The following TEX101 variants were observed in gnomAD, a reference collection of about 807,000 sequenced individuals.
TEX101 encodes testis expressed 101, also known as testis-expressed protein 101.
TEX101 carries 10 observed loss-of-function variants against 18.1 expected under a neutral mutation model. The observed-to-expected ratio is 0.55, with a 90% confidence interval of 0.34 to 0.94. The LOEUF (loss-of-function observed/expected upper bound fraction) is 0.94, where lower values mean the gene tolerates loss of function less well. Ranked by LOEUF, TEX101 falls within the 40% of genes least tolerant of loss-of-function variation. The probability of loss-of-function intolerance (pLI) is 0.02; values close to 1 mark genes in which losing one functional copy is unlikely to be tolerated. For synonymous variants in TEX101, 94 were observed against 114.8 expected (o/e 0.82, Z 1.16); for missense variants, 259 against 298.9 (o/e 0.87, Z 0.98).
chr19:43,417,850 C>T (rs753221686), intron 4 of TEX101, 28 bp from the exon 5 acceptor site: 3 of 1,613,408 alleles, frequency 1.9e-6, no homozygotes, highest in Middle Eastern at 1.7e-4. Context: ...AGGACCTGCC[C>T]TTAACTGTCT....
chr19:43,398,655 C>A (rs1035369697), upstream of TEX101, among the ~76,000 whole-genome samples: 1 of 152,146 alleles, frequency 6.6e-6, no homozygotes, highest in Non-Finnish European at 1.5e-5. Flanking sequence ...CTCCACTACC[C>A]ATTTTTTTCA....
At chr19:43,412,077 G>T (rs535553767), upstream of TEX101, among the ~76,000 whole-genome samples, 1 of 152,158 alleles carries the variant, frequency 6.6e-6, no homozygotes, top group African/African-American at 2.4e-5. Flanking sequence ...TTTCTCAAGG[G>T]GCTGTGTATT....
chr19:43,391,556 A>G, the TEX101 span, among the ~76,000 whole-genome samples: 2 of 152,058 alleles, frequency 1.3e-5, no homozygotes, highest in South Asian at 2.1e-4. Context: ...TTAATTTTAC[A>G]TTTCCTCCTT....
chr19:43,395,274 A>G, the TEX101 span, among the ~76,000 whole-genome samples: 2 of 152,178 alleles, frequency 1.3e-5, no homozygotes, highest in Non-Finnish European at 2.9e-5. Flanking sequence ...CTCTGCTTTT[A>G]GGTAGATAAG....
upstream of TEX101, chr19:43,414,869 G>A: frequency 1.0e-6 from 1 of 985,480 alleles, no homozygotes; most frequent in Non-Finnish European, 1.2e-6. Context: ...GTGTGGCCAG[G>A]CTGGCCCGGC....
the TEX101 span, among the ~76,000 whole-genome samples, chr19:43,392,264 A>G: frequency 1.6e-4 from 24 of 152,282 alleles, no homozygotes; most frequent in African/African-American, 3.4e-4. Context: ...AGCCAGAGCC[A>G]GAGAAGTAGA....
the TEX101 span, among the ~76,000 whole-genome samples, chr19:43,393,365 A>G: frequency 6.6e-6 from 1 of 152,308 alleles, no homozygotes; most frequent in Admixed American, 6.5e-5. Context: ...CATCCCATCC[A>G]TCGTTTCCTG....
chr19:43,396,753 G>A (rs371401634), upstream of TEX101, among the ~76,000 whole-genome samples: 6 of 151,722 alleles, frequency 4.0e-5, no homozygotes, highest in African/African-American at 1.5e-4. Flanking sequence ...GCACGGCTTC[G>A]GGGCTTAAAA....
intron 4 of TEX101, 56 bp from the exon 5 acceptor site, chr19:43,417,822 A>G (rs542653850): frequency 6.2e-7 from 1 of 1,606,048 alleles, no homozygotes. Flanking sequence ...GGCAGCAAGG[A>G]GCAACATCTC....
chr19:43,395,305 G>T, the TEX101 span, among the ~76,000 whole-genome samples: 47 of 152,252 alleles, frequency 3.1e-4, no homozygotes, highest in African/African-American at 1.1e-3. Flanking sequence ...ACCTCTTCCC[G>T]TATCTGTTGA....
rs184389065 is a variant in TEX101, at chr19:43,417,007, T to G, written c.391+452T>G. The stretch of plus-strand genomic sequence containing the variant: ...AATATCACACCACTGCACTTCAGCC[T>G]GGGACAGAGAGCAAGACTCCATCAA... On this transcript the variant is annotated intron_variant, in intron 4 of 5. Transcript: ENST00000598265. Among the ~76,000 whole-genome samples the G allele has an allele frequency of 2.1e-3, 289 of 135,214 alleles. 2 individuals carry two copies. The highest frequency in any genetic ancestry group is 7.9e-3 in the African/African-American group (274 of 34,514). The allele number at this position is 135,214 out of a possible 152,430, so 88.7% of individuals were successfully genotyped here.
intron 2 of TEX101, among the ~76,000 whole-genome samples, chr19:43,405,165 A>G (rs1010870822): frequency 6.6e-6 from 1 of 152,206 alleles, no homozygotes; most frequent in Non-Finnish European, 1.5e-5. Context: ...TCATTTTATT[A>G]TTCAGGAAAA....
chr19:43,414,887 C>G, upstream of TEX101: 1 of 985,484 alleles, frequency 1.0e-6, no homozygotes. Context: ...GGCCTTGCGT[C>G]GTAAGAGAAT....
chr19:43,411,789 T>A (rs1441553321), upstream of TEX101, among the ~76,000 whole-genome samples: 3 of 152,138 alleles, frequency 2.0e-5, no homozygotes, highest in Non-Finnish European at 4.4e-5. Flanking sequence ...TAGCTGGGAT[T>A]ACAGGCGCGT....
At chr19:43,398,913 T>C (rs190117561), upstream of TEX101, among the ~76,000 whole-genome samples, 13 of 152,336 alleles carry the variant, frequency 8.5e-5, no homozygotes, top group South Asian at 6.2e-4. Flanking sequence ...TTTCTGCCCA[T>C]AAAACTCACC....
upstream of TEX101, among the ~76,000 whole-genome samples, chr19:43,397,935 AATATATAAAAATATATATT>A (rs1970285060): frequency 4.3e-5 from 1 of 23,512 alleles, no homozygotes; most frequent in East Asian, 2.3e-3. Context: ...ATAAATATAT[AATATATAAAAATATATATT>A]ATATATAAAT....
chr19:43,391,885 T>C, the TEX101 span, among the ~76,000 whole-genome samples: 1 of 152,116 alleles, frequency 6.6e-6, no homozygotes, highest in Non-Finnish European at 1.5e-5. Flanking sequence ...GTGACTGCAG[T>C]CTCAGGAAAT....
At chr19:43,397,038 AT>A (rs771314749), upstream of TEX101, among the ~76,000 whole-genome samples, 3,952 of 151,878 alleles carry the variant, frequency 0.026, 63 homozygotes, top group Middle Eastern at 0.099. Context: ...GGGTTTCACC[AT>A]GTTAGCCAGG....
chr19:43,408,270 G>C (rs923605936), intron 3 of TEX101, among the ~76,000 whole-genome samples: 2 of 152,208 alleles, frequency 1.3e-5, no homozygotes, highest in Non-Finnish European at 2.9e-5. Flanking sequence ...TTGGGAGCCA[G>C]GTCTTCTCCT....
Sources: allele counts gnomAD v4.1 joint callset (sites outside exome capture counted in the v4.1 genomes callset), GRCh38; gene constraint gnomAD v4.1.1; transcripts MANE v1.5; gene names NCBI Gene and HGNC (gene_info 2026-07-23, HGNC 2026-07-21).